JAKMIP1: variants seen among roughly 807,000 people sequenced by gnomAD.
The protein encoded by JAKMIP1 is janus kinase and microtubule-interacting protein 1.
In JAKMIP1, 33 loss-of-function variants were observed where a neutral mutation model predicts 113.0. The observed-to-expected ratio is 0.29, with a 90% confidence interval of 0.22 to 0.39. JAKMIP1 has a LOEUF of 0.39. Ranked by LOEUF, JAKMIP1 falls within the 10% of genes least tolerant of loss-of-function variation. The pLI is 1.00. For missense variants in JAKMIP1, 813 were observed against 1,080.5 expected, an observed-to-expected ratio of 0.75 and a Z score of 3.47; for synonymous variants, 480 against 459.9, an observed-to-expected ratio of 1.04 and a Z score of -0.56.
At position 6,187,508 on chromosome 4, in the gene JAKMIP1, C is replaced by T. The variant is rs112779120; in HGVS notation, c.-148+12745G>A. Among the ~76,000 whole-genome samples the T allele has an allele frequency of 8.5e-5, 13 of 152,220 alleles. No homozygotes were observed. Among genetic ancestry groups the T allele is most frequent in the Non-Finnish European group, 1.8e-4 (12 of 68,030 alleles). On this transcript the variant is annotated intron_variant, in intron 1 of 20. Transcript: ENST00000409021. The surrounding 1 kb of genome is among the most constrained non-coding windows in gnomAD (Gnocchi z 4.2). ...AGGCGTTTGGCAAGTGATTAGGTCA[C>T]GAGGGCGAGCCCTCATAAATGAGAT...
intron 8 of JAKMIP1, among the ~76,000 whole-genome samples, chr4:6,072,341 G>A (rs866965753): frequency 5.9e-5 from 9 of 152,208 alleles, no homozygotes; most frequent in Admixed American, 5.2e-4. Flanking sequence ...TAAATTGATT[G>A]AGAGCTGCCT....
chr4:6,171,593 C>T (rs1226711850), intron 1 of JAKMIP1, among the ~76,000 whole-genome samples: 1 of 152,216 alleles, frequency 6.6e-6, no homozygotes, highest in Non-Finnish European at 1.5e-5. Flanking sequence ...GTCTCGATCC[C>T]CCCCCAAGTA....
rs1037175264 is a variant in JAKMIP1, at chr4:6,031,769, C to G, written c.2380-1988G>C. ...GAGACAGAAAAAAAGATGATTCTCT[C>G]AGATCTGTGACCTTGGGCAGTTATT... On this transcript the variant is annotated intron_variant, in intron 19 of 20. Coordinates refer to ENST00000409021, the MANE Select transcript of JAKMIP1 (RefSeq NM_001099433.2). The surrounding 1 kb of genome is among the most constrained non-coding windows in gnomAD (Gnocchi z 4.4). 6.6e-6 allele frequency among the ~76,000 whole-genome samples: 1 copy of G among 152,218 alleles called. No homozygotes were observed. Among genetic ancestry groups the G allele is most frequent in the African/African-American group, 2.4e-5 (1 of 41,450 alleles).
chr4:6,070,010 G>C (rs940492121), intron 8 of JAKMIP1: 7 of 398,456 alleles, frequency 1.8e-5, no homozygotes, highest in Non-Finnish European at 2.7e-5. Context: ...CACAGCCAGG[G>C]ACCGCCAGAG....
rs1347273116 is a variant in JAKMIP1 at position 6,049,223 on chromosome 4, A to G, written c.1963-301T>C. Among the ~76,000 whole-genome samples, 1 of 152,168 alleles carries G rather than the reference A, an allele frequency of 6.6e-6. No individual in the cohort carries two copies. The highest frequency in any genetic ancestry group is 1.9e-4 in the East Asian group (1 of 5,198). On this transcript the variant is annotated intron_variant, in intron 15 of 20. Coordinates refer to ENST00000409021, the MANE Select transcript of JAKMIP1 (RefSeq NM_001099433.2). The surrounding 1 kb of genome is among the most constrained non-coding windows in gnomAD (Gnocchi z 7.0). ...GATAGTTTTTGTATTTTTAGCAGAG[A>G]CAGGGTTTCGCCATGTTGGCCAGGC...
intron 16 of JAKMIP1, among the ~76,000 whole-genome samples, chr4:6,048,588 C>G (rs988435717): frequency 6.6e-6 from 1 of 152,164 alleles, no homozygotes; most frequent in Non-Finnish European, 1.5e-5. Flanking sequence ...AAACAATGGA[C>G]GCAGGGAAAC....
intron 11 of JAKMIP1, among the ~76,000 whole-genome samples, chr4:6,058,182 G>C (rs1716751787): frequency 6.6e-6 from 1 of 152,238 alleles, no homozygotes; most frequent in African/African-American, 2.4e-5. Flanking sequence ...GCCACACAGA[G>C]AGGACCTACC....
At position 6,116,745 on chromosome 4, in the gene JAKMIP1, C is replaced by T. The variant is rs1715847228; in HGVS notation, c.-147-3748G>A. On this transcript the variant is annotated intron_variant, in intron 1 of 20. Coordinates refer to ENST00000409021, the MANE Select transcript of JAKMIP1 (RefSeq NM_001099433.2). This position sits in a 1 kb window ranked among gnomAD's most constrained non-coding sequence, Gnocchi z 5.1. The stretch of plus-strand genomic sequence containing the variant: ...CATGCAGGAGGACCAGACAAGGTCC[C>T]AGCCATCACAGAACGGTCTAGTCAG... Among the ~76,000 whole-genome samples, 1 of 152,206 alleles carries T rather than the reference C, an allele frequency of 6.6e-6. No homozygotes were observed. The highest frequency in any genetic ancestry group is 1.5e-5 in the Non-Finnish European group (1 of 68,036).
rs979170560 is a variant in JAKMIP1, at chr4:6,167,713, T to C, written c.-148+32540A>G. 1.3e-5 allele frequency among the ~76,000 whole-genome samples: 2 copies of C among 152,208 alleles called. No individual in the cohort carries two copies. The highest frequency in any genetic ancestry group is 2.4e-5 in the African/African-American group (1 of 41,456). On this transcript the variant is annotated intron_variant, in intron 1 of 20. Coordinates refer to ENST00000409021, the MANE Select transcript of JAKMIP1 (RefSeq NM_001099433.2). The surrounding 1 kb of genome is among the most constrained non-coding windows in gnomAD (Gnocchi z 5.3). ...TCAGCTCCCTCCACCCCACCATGAA[T>C]GTACTGCTATCCTCACTTTACAGAT...
chr4:6,035,152 C>T (rs1219748268), intron 19 of JAKMIP1, among the ~76,000 whole-genome samples: 1 of 152,064 alleles, frequency 6.6e-6, no homozygotes, highest in Non-Finnish European at 1.5e-5. Context: ...TCTCTCTCTG[C>T]CCGCATCCCC....
intron 8 of JAKMIP1, among the ~76,000 whole-genome samples, chr4:6,075,012 A>G (rs995523150): frequency 1.3e-5 from 2 of 152,178 alleles, no homozygotes; most frequent in South Asian, 4.1e-4. Context: ...ATTTCTCAGA[A>G]TGTGTCCCTG....
chr4:6,057,681 A>T (rs1716672711), intron 11 of JAKMIP1, among the ~76,000 whole-genome samples: 1 of 151,774 alleles, frequency 6.6e-6, no homozygotes, highest in African/African-American at 2.4e-5. Flanking sequence ...ACTCCCTCCC[A>T]CCTCTGTGTG....
rs1169271561 is a variant in JAKMIP1 at position 6,155,484 on chromosome 4, G to A, written c.-147-42487C>T. Among the ~76,000 whole-genome samples the A allele has an allele frequency of 6.6e-6, 1 of 152,176 alleles. No homozygotes were observed. Among genetic ancestry groups the A allele is most frequent in the Non-Finnish European group, 1.5e-5 (1 of 68,024 alleles). On this transcript the variant is annotated intron_variant, in intron 1 of 20. Transcript: ENST00000409021. This position sits in a 1 kb window ranked among gnomAD's most constrained non-coding sequence, Gnocchi z 6.1. ...ACTAAGCGGGACTCAAATCCAGACA[G>A]TTTGGTTCCAGGGTGGGTTATGGTG...
chr4:6,039,640 A>G (rs577342918), intron 18 of JAKMIP1, among the ~76,000 whole-genome samples: 1 of 152,282 alleles, frequency 6.6e-6, no homozygotes, highest in East Asian at 1.9e-4. Flanking sequence ...GATAGCCCAG[A>G]GGGAAATGCT....
At chr4:6,090,221 C>CA (rs200374116) in intron 3 of JAKMIP1, among the ~76,000 whole-genome samples, 13,350 of 139,312 alleles carry the variant, frequency 0.096, 1,766 homozygotes, top group African/African-American at 0.3. Context: ...GAGTCCATTT[C>CA]AAAAAAAAAA....
At position 6,040,458 on chromosome 4, in the gene JAKMIP1, G is replaced by A. The variant is rs1180510130; in HGVS notation, c.2175+181C>T. 6.6e-6 allele frequency among the ~76,000 whole-genome samples: 1 copy of A among 152,134 alleles called. No individual in the cohort carries two copies. Among genetic ancestry groups the A allele is most frequent in the Admixed American group, 6.5e-5 (1 of 15,276 alleles). ...AACTTTGAATATTTTTGAAAATCAC[G>A]ATTGATTTGGAAAAAGGGACAGTCT... is the stretch of plus-strand genomic sequence containing the variant. On this transcript the variant is annotated intron_variant, in intron 18 of 20. Transcript: ENST00000409021. The surrounding 1 kb of genome is among the most constrained non-coding windows in gnomAD (Gnocchi z 5.8).
chr4:6,134,590 C>T (rs1033503371), intron 1 of JAKMIP1, among the ~76,000 whole-genome samples: 1 of 152,224 alleles, frequency 6.6e-6, no homozygotes, highest in Non-Finnish European at 1.5e-5. Context: ...TTCCCTGTCT[C>T]ACAGCTCTGA....
intron 8 of JAKMIP1, among the ~76,000 whole-genome samples, chr4:6,070,393 T>A (rs1372930955): frequency 6.6e-6 from 1 of 152,102 alleles, no homozygotes; most frequent in Non-Finnish European, 1.5e-5. Flanking sequence ...GCACCTTCAG[T>A]AAAAGGGAAG....
At position 6,129,216 on chromosome 4, in the gene JAKMIP1, C is replaced by A. The variant is rs1378957824; in HGVS notation, c.-147-16219G>T. The stretch of plus-strand genomic sequence containing the variant: ...TCCAGCCATCAAGGGACACAGGTTT[C>A]CTGATTCCTTGATAAAAATAGTCCC... On this transcript the variant is annotated intron_variant, in intron 1 of 20. Transcript: ENST00000409021. This position sits in a 1 kb window ranked among gnomAD's most constrained non-coding sequence, Gnocchi z 5.4. 1.3e-5 allele frequency among the ~76,000 whole-genome samples: 2 copies of A among 152,220 alleles called. No homozygotes were observed. The highest frequency in any genetic ancestry group is 2.9e-5 in the Non-Finnish European group (2 of 68,038).
Sources: allele counts gnomAD v4.1 joint callset (sites outside exome capture counted in the v4.1 genomes callset), GRCh38; gene constraint gnomAD v4.1.1; non-coding constraint Gnocchi (gnomAD v3.1); transcripts MANE v1.5; gene names NCBI Gene and HGNC (gene_info 2026-07-23, HGNC 2026-07-21).